Variants in CENPT observed in about 807,000 individuals in gnomAD.
The protein encoded by CENPT is centromere protein T.
A neutral mutation model predicts 59.7 loss-of-function variants in CENPT; 42 were observed. The ratio of observed to expected loss-of-function variants is 0.70; its 90% CI spans 0.55 to 0.91. The LOEUF (loss-of-function observed/expected upper bound fraction) is 0.91, where lower values mean the gene tolerates loss of function less well. CENPT is among the 40% of genes least tolerant of loss of function. The pLI, the probability that CENPT is intolerant of heterozygous loss-of-function variation, is 0.00. For synonymous variants in CENPT, 295 were observed against 289.6 expected, an observed-to-expected ratio of 1.02 and a Z score of -0.19; for missense variants, 716 against 713.4, an observed-to-expected ratio of 1.00 and a Z score of -0.04.
chr16:67,842,116 G>A lies in CENPT; in HGVS notation c.-492+5285C>T, dbSNP rs1253296984. On this transcript the variant is annotated intron_variant, in intron 1 of 15. Coordinates refer to ENST00000562787, the MANE Select transcript of CENPT (RefSeq NM_025082.4). The surrounding 1 kb of genome is among the most constrained non-coding windows in gnomAD (Gnocchi z 4.9). The stretch of plus-strand genomic sequence containing the variant: ...CGGGTCCTCGTGAGGAGCAGTCCAG[G>A]CGACAGCGTTCCAACCTAATACGCC... The A allele has an allele frequency of 6.6e-6, 1 of 152,412 alleles. No homozygotes were observed. Among genetic ancestry groups the A allele is most frequent in the East Asian group, 1.9e-4 (1 of 5,196 alleles). The allele number at this position is 152,412 out of a possible 1,614,324, so 9.4% of individuals were successfully genotyped here.
At chr16:67,831,136 C>A in intron 10 of CENPT, 80 bp downstream of exon 10, 1 of 1,600,936 alleles carries the variant, frequency 6.2e-7, no homozygotes, top group African/African-American at 1.3e-5. Flanking sequence ...AGGGGTGCAA[C>A]CCTGACTCAG....
At position 67,843,939 on chromosome 16, in the gene CENPT, C is replaced by T. The variant is rs2057781650; in HGVS notation, c.-492+3462G>A. ...CAGTTCTCCTCCTTTTCATGCTTTT[C>T]CTTCCCAGGTGCAGCCTGTGATTCT... On this transcript the variant is annotated intron_variant, in intron 1 of 15. Transcript: ENST00000562787. This position sits in a 1 kb window ranked among gnomAD's most constrained non-coding sequence, Gnocchi z 5.7. 1 of 170,072 alleles carries T rather than the reference C, an allele frequency of 5.9e-6. No homozygotes were observed. Among genetic ancestry groups the T allele is most frequent in the Admixed American group, 6.4e-5 (1 of 15,632 alleles). The allele number at this position is 170,072 out of a possible 1,614,324, so 10.5% of individuals were successfully genotyped here.
intron 1 of CENPT, among the ~76,000 whole-genome samples, chr16:67,840,712 T>G (rs1360496577): frequency 2.6e-5 from 4 of 151,886 alleles, no homozygotes; most frequent in Non-Finnish European, 5.9e-5. Flanking sequence ...GTAGTAAACC[T>G]TCACACGTAC....
At chr16:67,845,548 A>G (rs2057792026) in intron 1 of CENPT, among the ~76,000 whole-genome samples, 1 of 152,166 alleles carries the variant, frequency 6.6e-6, no homozygotes, top group Non-Finnish European at 1.5e-5. Context: ...TCCCGGTCGG[A>G]GCAAGGCCTT....
At chr16:67,829,388 A>C in intron 13 of CENPT, 35 bp downstream of exon 13, 1 of 1,534,036 alleles carries the variant, frequency 6.5e-7, no homozygotes, top group Non-Finnish European at 8.9e-7. Flanking sequence ...TCCCTTCCCA[A>C]GAGGCCCATG....
chr16:67,838,547 G>C (rs1365043729), intron 1 of CENPT, among the ~76,000 whole-genome samples: 1 of 151,892 alleles, frequency 6.6e-6, no homozygotes, highest in East Asian at 1.9e-4. Flanking sequence ...GCTTGAACCC[G>C]GGAGATGGAG....
At chr16:67,833,524 C>T (rs1298903310) in intron 4 of CENPT, among the ~76,000 whole-genome samples, 1 of 152,234 alleles carries the variant, frequency 6.6e-6, no homozygotes, top group African/African-American at 2.4e-5. Flanking sequence ...ACAGCTGGCC[C>T]GGGCCCGGCT....
At chr16:67,847,097 C>T (rs1031348899) in intron 1 of CENPT, 4 of 150,176 alleles carry the variant, frequency 2.7e-5, no homozygotes, top group African/African-American at 9.7e-5. Flanking sequence ...CTCCCCCCCC[C>T]CCGGCGGCCC....
At position 67,830,073 on chromosome 16, in the gene CENPT, G is replaced by T; in HGVS notation, c.878C>A (p.Ala293Asp). 2 of 1,614,146 alleles carry T rather than the reference G, an allele frequency of 1.2e-6. No homozygotes were observed. Among genetic ancestry groups the T allele is most frequent in the Middle Eastern group, 1.6e-4 (1 of 6,062 alleles). Residue 293 changes from alanine to aspartate, a missense_variant, in exon 12 of 16, where the codon GCC becomes GAC. By Grantham distance (126) the Ala-to-Asp change is moderately radical (BLOSUM62 -2). Coordinates refer to ENST00000562787, the MANE Select transcript of CENPT (RefSeq NM_025082.4). ...GLQKNSPGKP[A>D]QFLAGEAEEV... ...CTCTGCCTCTCCTGCCAGAAACTGG[G>T]CTGGTTTCCCAGGGCCTGAGTGAAG...
intron 10 of CENPT, chr16:67,830,851 C>T: frequency 1.9e-6 from 1 of 517,502 alleles, no homozygotes; most frequent in Admixed American, 3.4e-5. Context: ...TCTGCTCCGT[C>T]TTCCCAAACC....
At chr16:67,828,636 C>T in intron 14 of CENPT, 31 bp downstream of exon 14, 1 of 1,613,786 alleles carries the variant, frequency 6.2e-7, no homozygotes, top group African/African-American at 1.3e-5. Flanking sequence ...CCGAGGGGTT[C>T]CTCTCCCTAC....
chr16:67,828,345 C>T lies in CENPT; in HGVS notation c.1608G>A (p.Glu536=). The change falls in exon 16 of 16, where the codon GAG becomes GAA. Residue 536 remains glutamate, a synonymous_variant. Coordinates refer to ENST00000562787, the MANE Select transcript of CENPT (RefSeq NM_025082.4). ...TDQVSLHVLV[E]RHLPLEYRQL... ...GCCGGTACTCCAGGGGCAGGTGCCG[C>T]TCCACTAGCACGTGCAGTGAGACTT... 1 of 1,609,790 alleles carries T rather than the reference C, an allele frequency of 6.2e-7. No homozygotes were observed. The highest frequency in any genetic ancestry group is 8.5e-7 in the Non-Finnish European group (1 of 1,176,746).
In CENPT at chr16:67,842,935, G is replaced by C; in HGVS notation, c.-492+4466C>G. 1 of 1,607,276 alleles carries C rather than the reference G, an allele frequency of 6.2e-7. No homozygotes were observed. ...AGCAGCAGCAACAGCAGCAGCAGCA[G>C]CAGCAGCAGCAGCAGTCCTCACCCT... On this transcript the variant is annotated intron_variant, in intron 1 of 15. Transcript: ENST00000562787. This position sits in a 1 kb window ranked among gnomAD's most constrained non-coding sequence, Gnocchi z 4.9.
intron 13 of CENPT, chr16:67,829,056 G>A (rs1041192252): frequency 9.0e-6 from 5 of 552,702 alleles, no homozygotes; most frequent in South Asian, 5.2e-5. Flanking sequence ...CAGTCGACTC[G>A]ACATCCTGGT....
In CENPT at chr16:67,828,385, C is replaced by T. The variant is rs1219580010; in HGVS notation, c.1568G>A (p.Gly523Asp). ...EDLELLMRRQ[G>D]LVTDQVSLHV... ...CAGTGAGACTTGGTCAGTGACCAGGCCCTGCCTGCAGTGGAGGAAGAGAAG... is the reference window on the plus strand; with the variant it reads ...CAGTGAGACTTGGTCAGTGACCAGGTCCTGCCTGCAGTGGAGGAAGAGAAG... The change falls in exon 16 of 16, where the codon GGC becomes GAC. Residue 523 changes from glycine (G) to aspartate (D), a missense_variant. Gly to Asp is a moderately conservative substitution (Grantham distance 94). Transcript: ENST00000562787. The T allele has an allele frequency of 5.6e-6, 9 of 1,610,948 alleles. No individual in the cohort carries two copies. The highest frequency in any genetic ancestry group is 7.6e-6 in the Non-Finnish European group (9 of 1,177,758).
intron 1 of CENPT, among the ~76,000 whole-genome samples, chr16:67,845,347 T>G (rs542568197): frequency 6.6e-5 from 10 of 152,324 alleles, no homozygotes; most frequent in African/African-American, 2.2e-4. Context: ...AACTCAAGTC[T>G]CTGTTTCCCT....
In CENPT at chr16:67,828,545, A is replaced by T. The variant is rs1439262957; in HGVS notation, c.1491T>A (p.Asp497Glu). The change falls in exon 15 of 16, where the codon GAT becomes GAA. Residue 497 changes from aspartate to glutamate, a missense_variant. Transcript: ENST00000562787. ...LDKYFQHLCD[D>E]LEVFAAHAGR... is the part of the protein sequence containing the mutation. ...CAGCATGAGCAGCAAATACCTCCAG[A>T]TCATCACAAAGATGCTGGAAATATT... 2 of 1,614,192 alleles carry T rather than the reference A, an allele frequency of 1.2e-6. No individual in the cohort carries two copies. Among genetic ancestry groups the T allele is most frequent in the Non-Finnish European group, 1.7e-6 (2 of 1,180,034 alleles).
chr16:67,833,879 C>T lies in CENPT; in HGVS notation c.-20G>A, dbSNP rs770691963. The T allele has an allele frequency of 1.4e-5, 20 of 1,457,932 alleles. No homozygotes were observed. The Admixed American group carries it at 5.7e-4, about 42-fold the overall frequency. The allele number at this position is 1,457,932 out of a possible 1,614,324, so 90.3% of individuals were successfully genotyped here. A position where few individuals can be genotyped will look rare whatever the true frequency, so the allele number is the denominator to read the frequency against. On this transcript the variant is annotated 5_prime_UTR_variant, in exon 4 of 16. Transcript: ENST00000562787. ...AGCCATCGTCTCGGCCCCGGGCCCT[C>T]CTAACCGCCCAGCCAGCTGCAGGCT...
chr16:67,837,655 C>A (rs1173894314), intron 1 of CENPT, among the ~76,000 whole-genome samples: 3 of 152,082 alleles, frequency 2.0e-5, no homozygotes, highest in Admixed American at 2.0e-4. Flanking sequence ...TTGCAGTCAG[C>A]CAAGATTGCA....
Sources: allele counts gnomAD v4.1 joint callset (sites outside exome capture counted in the v4.1 genomes callset), GRCh38; gene constraint gnomAD v4.1.1; non-coding constraint Gnocchi (gnomAD v3.1); transcripts MANE v1.5; gene names NCBI Gene and HGNC (gene_info 2026-07-23, HGNC 2026-07-21).